The following EEA1 variants were observed in gnomAD, a reference collection of about 807,000 sequenced individuals.
EEA1 encodes the protein early endosome antigen 1, 162kD.
In EEA1, 111 loss-of-function variants were observed where a neutral mutation model predicts 209.2. The ratio of observed to expected loss-of-function variants is 0.53; its 90% CI spans 0.45 to 0.62. The LOEUF (loss-of-function observed/expected upper bound fraction) is 0.62, where lower values mean the gene tolerates loss of function less well. Ranked by LOEUF, EEA1 falls within the 20% of genes least tolerant of loss-of-function variation. The pLI, the probability that EEA1 is intolerant of heterozygous loss-of-function variation, is 0.00. For synonymous variants in EEA1, 536 were observed against 540.6 expected (o/e 0.99, Z 0.12); for missense variants, 1,343 against 1,530.8 (o/e 0.88, Z 2.05).
chr12:92,817,406 T>C (rs1875844888), intron 14 of EEA1, among the ~76,000 whole-genome samples: 1 of 152,120 alleles, frequency 6.6e-6, no homozygotes, highest in African/African-American at 2.4e-5. Flanking sequence ...AGGGTCTCAC[T>C]CCGTCACCCA....
chr12:92,920,995 A>T (rs1428655390), intron 1 of EEA1, among the ~76,000 whole-genome samples: 18 of 151,314 alleles, frequency 1.2e-4, no homozygotes, highest in Admixed American at 1.2e-3. Flanking sequence ...AACACATGAA[A>T]AAATGCTCAT....
intron 1 of EEA1, among the ~76,000 whole-genome samples, chr12:92,912,872 C>T (rs117091885): frequency 3.3e-5 from 5 of 152,272 alleles, no homozygotes; most frequent in Non-Finnish European, 7.4e-5. Flanking sequence ...AAGACATGAT[C>T]TCATTCTTTT....
At chr12:92,898,731 C>CTTTTT (rs772593153) in intron 1 of EEA1, among the ~76,000 whole-genome samples, 3 of 76,110 alleles carry the variant, frequency 3.9e-5, no homozygotes, top group Non-Finnish European at 4.9e-5. Flanking sequence ...CTTTTTTTCC[C>CTTTTT]TTTTTTTTTT....
chr12:92,821,866 T>G (rs1876067695), intron 13 of EEA1, among the ~76,000 whole-genome samples: 1 of 149,962 alleles, frequency 6.7e-6, no homozygotes, highest in African/African-American at 2.4e-5. Context: ...GAACCATGTT[T>G]AATAATATAA....
chr12:92,779,215 G>A lies in EEA1; in HGVS notation c.3554C>T (p.Ala1185Val). ...LQGKADSLKAAVEQEKRNQQI... is the reference protein window; with the variant it reads ...LQGKADSLKAVVEQEKRNQQI... Reference sequence around the variant, plus strand: ...CTGATTTCTCTTCTCCTGTTCAACAGCTGCCTTCAGGGAGTCCGCTTTTCC... The same window carrying A: ...CTGATTTCTCTTCTCCTGTTCAACAACTGCCTTCAGGGAGTCCGCTTTTCC... Residue 1185 changes from alanine to valine, a missense_variant, in exon 25 of 29, where the codon GCT (alanine) becomes GTT (valine). Physicochemically the swap from Ala to Val is moderately conservative, Grantham distance 64. This residue lies in a region of EEA1 where 1,307 missense variants were observed against 1,465.5 expected (regional missense o/e 0.89). Transcript: ENST00000322349. 2 of 1,610,762 alleles carry A rather than the reference G, an allele frequency of 1.2e-6. No individual in the cohort carries two copies. The highest frequency in any genetic ancestry group is 1.7e-6 in the Non-Finnish European group (2 of 1,178,880).
intron 1 of EEA1, among the ~76,000 whole-genome samples, chr12:92,909,363 G>A (rs887260028): frequency 1.3e-5 from 2 of 152,160 alleles, no homozygotes; most frequent in African/African-American, 4.8e-5. Context: ...AATGACAAAC[G>A]TCACCTTGAA....
At position 92,913,373 on chromosome 12, in the gene EEA1, C is replaced by T. The variant is rs1387450376; in HGVS notation, c.24+15670G>A. ...GAGAAATATCTGCTAATGTCCTTTG[C>T]TTACTTTCTGATGGACTTGTTTTTT... On this transcript the variant is annotated intron_variant, in intron 1 of 28. Transcript: ENST00000322349. Among the ~76,000 whole-genome samples the T allele has an allele frequency of 3.3e-5, 5 of 152,152 alleles. No individual in the cohort carries two copies. In the East Asian group the frequency reaches 9.6e-4, roughly 29 times the overall value.
At chr12:92,812,837 A>T (rs1875585444) in intron 16 of EEA1, 143 bp downstream of exon 16, 2 of 503,464 alleles carry the variant, frequency 4.0e-6, no homozygotes, top group Non-Finnish European at 6.9e-6. Flanking sequence ...TTTACTACTC[A>T]ACTGGAACTC....
In EEA1 at chr12:92,774,051, C is replaced by CAG. The variant is rs1555197403; in HGVS notation, c.*1959_*1960insCT. On this transcript the variant is annotated 3_prime_UTR_variant, in exon 29 of 29. Transcript: ENST00000322349. ...AGATTTCTCATGGAATTTATTATCT[C>CAG]AAAAAAAAAAAAAAAACAGTGGTGC... 1 of 129,666 alleles carries CAG rather than the reference C, an allele frequency of 7.7e-6. No homozygotes were observed. Among genetic ancestry groups the CAG allele is most frequent in the African/African-American group, 2.9e-5 (1 of 34,970 alleles). The allele number at this position is 129,666 out of a possible 1,614,324, so 8.0% of individuals were successfully genotyped here. A position where few individuals can be genotyped will look rare whatever the true frequency, so the allele number is the denominator to read the frequency against.
At chr12:92,918,868 AAG>A (rs1880874149) in intron 1 of EEA1, among the ~76,000 whole-genome samples, 2 of 142,558 alleles carry the variant, frequency 1.4e-5, no homozygotes, top group Admixed American at 6.9e-5. Flanking sequence ...TAAAGAAAAA[AAG>A]AGAGAAGAAT....
Position 92,776,919 on chromosome 12 carries a change from A to G in EEA1, c.4038T>C (p.Asn1346=). The change falls in exon 28 of 29, where the codon AAT becomes AAC. Residue 1346 remains asparagine (N), a synonymous_variant. Transcript: ENST00000322349. ...SLQIKHTQAL[N]RKWAEDNEVQ... is the part of the protein sequence containing the mutation. The stretch of plus-strand genomic sequence containing the variant: ...CTTCATTGTCTTCGGCCCACTTTCT[A>G]TTCAACGCTTGTGTATGTTTGATCT... 1.2e-6 allele frequency: 2 copies of G among 1,611,806 alleles called. No individual in the cohort carries two copies. The highest frequency in any genetic ancestry group is 1.7e-6 in the Non-Finnish European group (2 of 1,178,372).
chr12:92,851,139 T>A lies in EEA1; in HGVS notation c.770A>T (p.Lys257Ile). 6.2e-7 allele frequency: 1 copy of A among 1,613,844 alleles called. No individual in the cohort carries two copies. Among genetic ancestry groups the A allele is most frequent in the Non-Finnish European group, 8.5e-7 (1 of 1,179,916 alleles). ...ESEKLKDECK[K>I]LQSQYASSEA... is the part of the protein sequence containing the mutation. ...TGAGCTAGCATATTGTGACTGCAAT[T>A]TTTTGCATTCATCTTTGAGTTTTTC... The change falls in exon 9 of 29, where the codon AAA (lysine) becomes ATA (isoleucine). Residue 257 changes from lysine to isoleucine, a missense_variant. By Grantham distance (102) the Lys-to-Ile change is moderately radical. Coordinates refer to ENST00000322349, the MANE Select transcript of EEA1 (RefSeq NM_003566.4).
chr12:92,859,697 CTCCAAAG>C (rs1413065685), intron 3 of EEA1, among the ~76,000 whole-genome samples: 2 of 152,234 alleles, frequency 1.3e-5, no homozygotes, highest in African/African-American at 4.8e-5. Flanking sequence ...CTACCCAACG[CTCCAAAG>C]TCCTAATTGC....
intron 13 of EEA1, among the ~76,000 whole-genome samples, chr12:92,820,140 C>T (rs1340347347): frequency 1.3e-5 from 2 of 152,152 alleles, no homozygotes; most frequent in African/African-American, 2.4e-5. Context: ...TTTTGTGTCT[C>T]AGTCATTGAT....
chr12:92,847,529 G>A (rs777142401), intron 9 of EEA1, among the ~76,000 whole-genome samples: 2 of 151,988 alleles, frequency 1.3e-5, no homozygotes, highest in Admixed American at 6.6e-5. Flanking sequence ...ATATGGAAAT[G>A]GTATGACACA....
At position 92,801,582 on chromosome 12, in the gene EEA1, A is replaced by G. The variant is rs1264994449; in HGVS notation, c.2772+18T>C. ...TACTATACTTTACAGATTTTATGTTACAAAAAAAAAATCTTACCTCCTTCT... is the reference window on the plus strand; with the variant it reads ...TACTATACTTTACAGATTTTATGTTGCAAAAAAAAAATCTTACCTCCTTCT... On this transcript the variant is annotated intron_variant, in intron 20 of 28. Coordinates refer to ENST00000322349, the MANE Select transcript of EEA1 (RefSeq NM_003566.4). The G allele has an allele frequency of 6.6e-7, 1 of 1,509,248 alleles. No homozygotes were observed. The highest frequency in any genetic ancestry group is 1.2e-5 in the South Asian group (1 of 80,462). 93.5% of individuals were successfully genotyped at this position (1,509,248 alleles called of 1,614,324 possible).
chr12:92,846,299 T>A (rs1043396099), intron 9 of EEA1, among the ~76,000 whole-genome samples: 5 of 152,036 alleles, frequency 3.3e-5, no homozygotes, highest in Admixed American at 6.6e-5. Flanking sequence ...GCAGAAAAAG[T>A]AATAACAAAA....
At chr12:92,833,714 C>T (rs61933753) in intron 10 of EEA1, among the ~76,000 whole-genome samples, 38,723 of 151,940 alleles carry the variant, frequency 0.25, 5,398 homozygotes, top group Non-Finnish European at 0.32. Context: ...AAGGGGATGA[C>T]ACTGAAATAG....
intron 1 of EEA1, among the ~76,000 whole-genome samples, chr12:92,903,325 C>T (rs1433546753): frequency 6.6e-6 from 1 of 151,324 alleles, no homozygotes; most frequent in African/African-American, 2.4e-5. Flanking sequence ...CAGTCGGAAG[C>T]GGTAGCTCAC....
Sources: gnomAD v4.1 joint callset for allele counts (sites outside exome capture counted in the v4.1 genomes callset) on GRCh38, gnomAD v4.1.1 for gene constraint, gnomAD v4.1.1 regional missense constraint, MANE v1.5 for transcripts, NCBI Gene and HGNC (gene_info 2026-07-23, HGNC 2026-07-21) for gene names.